The following MARCHF6 variants were observed in gnomAD, a reference collection of about 807,000 sequenced individuals.
MARCHF6 encodes E3 ubiquitin-protein ligase MARCHF6.
Under a neutral mutation model 133.7 loss-of-function variants are expected in MARCHF6, and 31 were observed. The ratio of observed to expected loss-of-function variants is 0.23; its 90% CI spans 0.17 to 0.31. The LOEUF is 0.31. MARCHF6 is among the 10% of genes least tolerant of loss of function. The pLI, the probability that MARCHF6 is intolerant of heterozygous loss-of-function variation, is 1.00. For synonymous variants in MARCHF6, 395 were observed against 402.5 expected (o/e 0.98, Z 0.22); for missense variants, 723 against 1,121.6 (o/e 0.64, Z 5.08).
Position 10,433,644 on chromosome 5 carries a change from A to G in MARCHF6, c.2693A>G (p.Gln898Arg). 1 of 1,614,226 alleles carries G rather than the reference A, an allele frequency of 6.2e-7. No individual in the cohort carries two copies. Residue 898 changes from glutamine to arginine, a missense_variant, in exon 26 of 26, where the codon CAA (glutamine) becomes CGA (arginine). Coordinates refer to ENST00000274140, the MANE Select transcript of MARCHF6 (RefSeq NM_005885.4). ...AACTACGAACGGAAATCTGGCAAAC[A>G]AGGCTCATCTCCACCACCTCCACAG... The part of the protein sequence containing the change: ...LVNYERKSGK[Q>R]GSSPPPPQSS...
In MARCHF6 at chr5:10,437,121, AAC is replaced by A. The variant is rs1283811983; in HGVS notation, c.*3442_*3443del. Reference sequence around the variant, plus strand: ...TGTATTGCGTTTGCGAATGTGCGTGAACACACGCACACGTGCAGGAGAATGTA... The same window carrying A: ...TGTATTGCGTTTGCGAATGTGCGTGAACACGCACACGTGCAGGAGAATGTA... On this transcript the variant is annotated 3_prime_UTR_variant, in exon 26 of 26. Coordinates refer to ENST00000274140, the MANE Select transcript of MARCHF6 (RefSeq NM_005885.4). 6.6e-6 allele frequency: 1 copy of A among 152,276 alleles called. No homozygotes were observed. Among genetic ancestry groups the A allele is most frequent in the Non-Finnish European group, 1.5e-5 (1 of 68,042 alleles). 9.4% of individuals were successfully genotyped at this position (152,276 alleles called of 1,614,324 possible). A position where few individuals can be genotyped will look rare whatever the true frequency, so the allele number is the denominator to read the frequency against.
chr5:10,397,796 A>G (rs1738279558), intron 10 of MARCHF6, among the ~76,000 whole-genome samples: 1 of 152,184 alleles, frequency 6.6e-6, no homozygotes, highest in South Asian at 2.1e-4. Flanking sequence ...GCCTTCCCCA[A>G]ATGTGAGCAC....
At chr5:10,390,575 T>C (rs1453811407) in intron 6 of MARCHF6, 75 bp downstream of exon 6, 46 of 1,348,630 alleles carry the variant, frequency 3.4e-5, no homozygotes, top group Non-Finnish European at 4.6e-5. Context: ...AGACTCAAAC[T>C]CTTGACTTCC....
chr5:10,437,153 C>T lies in MARCHF6; in HGVS notation c.*3469C>T, dbSNP rs1175224320. On this transcript the variant is annotated 3_prime_UTR_variant, in exon 26 of 26. Transcript: ENST00000274140. ...GCACACGTGCAGGAGAATGTAGTGC[C>T]ATAAGAACACTGGCGCTTTTTAAAA... 1 of 152,274 alleles carries T rather than the reference C, an allele frequency of 6.6e-6. No homozygotes were observed. The highest frequency in any genetic ancestry group is 1.9e-4 in the East Asian group (1 of 5,204). 9.4% of individuals were successfully genotyped at this position (152,274 alleles called of 1,614,324 possible).
At chr5:10,387,495 G>T (rs948225858) in intron 5 of MARCHF6, among the ~76,000 whole-genome samples, 1 of 151,116 alleles carries the variant, frequency 6.6e-6, no homozygotes, top group Admixed American at 6.6e-5. Context: ...TAGAGACAGG[G>T]TTTCACCATG....
intron 1 of MARCHF6, among the ~76,000 whole-genome samples, chr5:10,376,306 G>T (rs560455822): frequency 1.3e-5 from 2 of 151,564 alleles, no homozygotes; most frequent in South Asian, 4.2e-4. Flanking sequence ...CAGACGCGCT[G>T]CCTTAAGAGC....
chr5:10,419,579 C>T (rs1361236697), intron 22 of MARCHF6, among the ~76,000 whole-genome samples: 1 of 149,342 alleles, frequency 6.7e-6, no homozygotes, highest in Non-Finnish European at 1.5e-5. Context: ...CCAGAGTAGT[C>T]AAATAGTATC....
intron 1 of MARCHF6, among the ~76,000 whole-genome samples, chr5:10,372,533 T>TC (rs1554019746): frequency 5.9e-5 from 9 of 151,620 alleles, no homozygotes; most frequent in African/African-American, 1.2e-4. Flanking sequence ...TTATTTTTTT[T>TC]CCCCACTTGA....
At chr5:10,357,597 G>C (rs1015798323) in intron 1 of MARCHF6, among the ~76,000 whole-genome samples, 5 of 152,154 alleles carry the variant, frequency 3.3e-5, no homozygotes, top group African/African-American at 1.2e-4. Flanking sequence ...AAAGTTGTCA[G>C]AATCAGACAG....
At position 10,434,991 on chromosome 5, in the gene MARCHF6, GT is replaced by G. The variant is rs537083509; in HGVS notation, c.*1309del. On this transcript the variant is annotated 3_prime_UTR_variant, in exon 26 of 26. Transcript: ENST00000274140. ...GTTAGAAGTTTAGAAAAATAGAATG[GT>G]TGGGTACATGATCTAAATGTTTAAT... The G allele has an allele frequency of 7.5e-4, 114 of 152,682 alleles. No individual in the cohort carries two copies. The highest frequency in any genetic ancestry group is 3.4e-3 in the Middle Eastern group (1 of 294). The allele number at this position is 152,682 out of a possible 1,614,324, so 9.5% of individuals were successfully genotyped here. A position where few individuals can be genotyped will look rare whatever the true frequency, so the allele number is the denominator to read the frequency against.
intron 21 of MARCHF6, among the ~76,000 whole-genome samples, chr5:10,416,786 T>C (rs911900569): frequency 6.6e-6 from 1 of 152,230 alleles, no homozygotes; most frequent in African/African-American, 2.4e-5. Flanking sequence ...CTATCTGGTA[T>C]ACTAGTCAGG....
chr5:10,410,533 T>C (rs1739160428), intron 18 of MARCHF6, among the ~76,000 whole-genome samples: 1 of 151,988 alleles, frequency 6.6e-6, no homozygotes, highest in Non-Finnish European at 1.5e-5. Context: ...ATGGAGTAAA[T>C]GTCTTTTTTT....
intron 1 of MARCHF6, among the ~76,000 whole-genome samples, chr5:10,363,163 A>G (rs1298669805): frequency 2.6e-5 from 4 of 152,210 alleles, no homozygotes; most frequent in Non-Finnish European, 4.4e-5. Context: ...CTCCAAAAGC[A>G]TGATCCATAA....
rs780956417 is a variant in MARCHF6, at chr5:10,411,419, A to T, written c.1778A>T (p.Asn593Ile). 6.2e-7 allele frequency: 1 copy of T among 1,614,254 alleles called. No homozygotes were observed. Among genetic ancestry groups the T allele is most frequent in the Middle Eastern group, 1.6e-4 (1 of 6,062 alleles). The part of the protein sequence containing the change: ...QQVNNNQHAR[N>I]NNAIPVVGEG... Reference sequence around the variant, plus strand: ...GTTAACAATAATCAGCATGCTCGAAATAACAACGCTATTCCTGTGGTGGGA... The same window carrying T: ...GTTAACAATAATCAGCATGCTCGAATTAACAACGCTATTCCTGTGGTGGGA... Residue 593 changes from asparagine (N) to isoleucine (I), a missense_variant, in exon 19 of 26, where the codon AAT becomes ATT. Physicochemically the swap from Asn to Ile is moderately radical, Grantham distance 149. Coordinates refer to ENST00000274140, the MANE Select transcript of MARCHF6 (RefSeq NM_005885.4).
At chr5:10,369,300 A>T (rs1165810259) in intron 1 of MARCHF6, among the ~76,000 whole-genome samples, 1 of 152,220 alleles carries the variant, frequency 6.6e-6, no homozygotes, top group African/African-American at 2.4e-5. Context: ...CCAGTCCCTA[A>T]CAACATCAGT....
chr5:10,417,379 A>G lies in MARCHF6; in HGVS notation c.2258A>G (p.Gln753Arg), dbSNP rs1336175353. 5 of 1,613,920 alleles carry G rather than the reference A, an allele frequency of 3.1e-6. No individual in the cohort carries two copies. Among genetic ancestry groups the G allele is most frequent in the Non-Finnish European group, 4.2e-6 (5 of 1,179,952 alleles). ...GCTCCCCTGAGGGTTCCCTTGGATC[A>G]GACTCCTCTTTTTTATCCATGGCAG... The part of the protein sequence containing the change: ...IVAPLRVPLD[Q>R]TPLFYPWQDW... Residue 753 changes from glutamine to arginine, a missense_variant, in exon 22 of 26, where the codon CAG (glutamine) becomes CGG (arginine). Physicochemically the swap from Gln to Arg is conservative, Grantham distance 43. Coordinates refer to ENST00000274140, the MANE Select transcript of MARCHF6 (RefSeq NM_005885.4).
chr5:10,410,052 T>C, intron 17 of MARCHF6, 87 bp from the exon 18 acceptor site: 1 of 1,344,066 alleles, frequency 7.4e-7, no homozygotes, highest in South Asian at 1.3e-5. Context: ...GTAAGTTTAT[T>C]AGATTCTTAA....
At chr5:10,373,423 G>A (rs777477146) in intron 1 of MARCHF6, among the ~76,000 whole-genome samples, 8 of 152,156 alleles carry the variant, frequency 5.3e-5, no homozygotes, top group Non-Finnish European at 8.8e-5. Flanking sequence ...GTGCCCTGGA[G>A]TTTGCCACTG....
intron 24 of MARCHF6, among the ~76,000 whole-genome samples, chr5:10,428,031 A>G (rs923206542): frequency 6.6e-6 from 1 of 152,156 alleles, no homozygotes; most frequent in East Asian, 1.9e-4. Flanking sequence ...TGACACTCCA[A>G]TCTAGCCCAG....
Sources: gnomAD v4.1 joint callset for allele counts (sites outside exome capture counted in the v4.1 genomes callset) on GRCh38, gnomAD v4.1.1 for gene constraint, MANE v1.5 for transcripts, NCBI Gene and HGNC (gene_info 2026-07-23, HGNC 2026-07-21) for gene names.